The following DLGAP2 variants were observed in gnomAD, a reference collection of about 807,000 sequenced individuals.
The protein encoded by DLGAP2 is disks large-associated protein 2.
A neutral mutation model predicts 100.3 loss-of-function variants in DLGAP2; 26 were observed. The observed-to-expected ratio is 0.26, with a 90% CI of 0.19 to 0.36. The LOEUF is 0.36. DLGAP2 is among the 10% of genes least tolerant of loss of function. The pLI is 1.00. For synonymous variants in DLGAP2, 886 were observed against 630.1 expected, an observed-to-expected ratio of 1.41 and a Z score of -6.08; for missense variants, 1,858 against 1,453.2, an observed-to-expected ratio of 1.28 and a Z score of -4.53.
intron 4 of DLGAP2, among the ~76,000 whole-genome samples, chr8:1,534,315 G>A (rs902053471): frequency 2.6e-5 from 4 of 152,194 alleles, no homozygotes; most frequent in African/African-American, 9.7e-5. Flanking sequence ...TTGGCTTCAG[G>A]AATAATGAGA....
intron 2 of DLGAP2, among the ~76,000 whole-genome samples, chr8:1,096,459 G>A (rs749881652): frequency 3.9e-5 from 6 of 152,208 alleles, no homozygotes; most frequent in South Asian, 2.1e-4. Context: ...ACCCCCCAGC[G>A]TGAGAACTAC....
At chr8:909,416 C>G (rs1278730990) in intron 2 of DLGAP2, among the ~76,000 whole-genome samples, 1 of 151,498 alleles carries the variant, frequency 6.6e-6, no homozygotes, top group Non-Finnish European at 1.5e-5. Flanking sequence ...AACTACTGTA[C>G]TGCGGACATC....
chr8:753,728 T>A (rs1437770424), intron 1 of DLGAP2: 1 of 152,358 alleles, frequency 6.6e-6, no homozygotes, highest in African/African-American at 2.4e-5. Context: ...TGGAGCCTTA[T>A]CCACTCCACA....
At chr8:1,449,933 G>GT (rs1798099828) in intron 3 of DLGAP2, among the ~76,000 whole-genome samples, 1 of 96,018 alleles carries the variant, frequency 1.0e-5, no homozygotes, top group Non-Finnish European at 2.2e-5. Flanking sequence ...CTCGGTGGCT[G>GT]AGGCGGAGCT....
chr8:989,528 C>T (rs1482256165), intron 2 of DLGAP2, among the ~76,000 whole-genome samples: 1 of 152,154 alleles, frequency 6.6e-6, no homozygotes, highest in Non-Finnish European at 1.5e-5. Context: ...GGCTTTGGTA[C>T]CAACTTTCTC....
chr8:1,617,991 A>G (rs529352503), intron 6 of DLGAP2, among the ~76,000 whole-genome samples: 3 of 152,336 alleles, frequency 2.0e-5, no homozygotes, highest in Admixed American at 2.0e-4. Context: ...CCCTGGGGAA[A>G]AAATGTCAAC....
intron 4 of DLGAP2, among the ~76,000 whole-genome samples, chr8:1,538,617 C>G (rs968690348): frequency 2.0e-5 from 3 of 152,160 alleles, no homozygotes; most frequent in Non-Finnish European, 4.4e-5. Flanking sequence ...CCTCCTCCCC[C>G]GCTCCCATGC....
intron 2 of DLGAP2, among the ~76,000 whole-genome samples, chr8:1,069,210 G>A (rs1363240479): frequency 2.0e-5 from 3 of 152,200 alleles, no homozygotes; most frequent in African/African-American, 7.2e-5. Flanking sequence ...AGGCAGTCTT[G>A]TTTAAACTGA....
At chr8:1,110,938 T>G (rs537722196) in intron 2 of DLGAP2, among the ~76,000 whole-genome samples, 1 of 152,028 alleles carries the variant, frequency 6.6e-6, no homozygotes, top group Non-Finnish European at 1.5e-5. Flanking sequence ...TCAGGGAGTG[T>G]GAGGGTTGGT....
At chr8:1,413,507 G>A (rs1418640460) in intron 3 of DLGAP2, among the ~76,000 whole-genome samples, 2 of 152,168 alleles carry the variant, frequency 1.3e-5, no homozygotes. Context: ...AGATTACTTT[G>A]CACTAAATCT....
At chr8:1,260,239 C>T (rs1171829572) in intron 3 of DLGAP2, among the ~76,000 whole-genome samples, 2 of 152,076 alleles carry the variant, frequency 1.3e-5, no homozygotes, top group African/African-American at 4.8e-5. Context: ...ATTATAACTT[C>T]CATTGCCATT....
chr8:1,419,207 T>TGG (rs1252479618), intron 3 of DLGAP2, among the ~76,000 whole-genome samples: 1 of 18,528 alleles, frequency 5.4e-5, no homozygotes, highest in African/African-American at 8.3e-5. Flanking sequence ...GATGCGTGCG[T>TGG]GTGTGTGTGT....
At chr8:777,366 G>T (rs1359757169) in intron 1 of DLGAP2, among the ~76,000 whole-genome samples, 7 of 151,588 alleles carry the variant, frequency 4.6e-5, no homozygotes, top group Admixed American at 2.6e-4. Flanking sequence ...AGTTAATATT[G>T]TTATGTGTGA....
intron 3 of DLGAP2, among the ~76,000 whole-genome samples, chr8:1,266,542 C>A (rs1799454668): frequency 6.6e-6 from 1 of 152,206 alleles, no homozygotes; most frequent in African/African-American, 2.4e-5. Flanking sequence ...CCTGTCAGTT[C>A]CTCCTCTGTT....
chr8:1,632,451 G>C (rs1046352372), intron 7 of DLGAP2, among the ~76,000 whole-genome samples: 2 of 152,156 alleles, frequency 1.3e-5, no homozygotes, highest in Non-Finnish European at 1.5e-5. Flanking sequence ...GAAAGGGGGG[G>C]CCGTCATGTG....
At chr8:909,177 A>G (rs2128999058) in intron 2 of DLGAP2, among the ~76,000 whole-genome samples, 1 of 152,336 alleles carries the variant, frequency 6.6e-6, no homozygotes, top group East Asian at 1.9e-4. Context: ...ATCTGCTTAC[A>G]GGGAAGCTTG....
At chr8:1,023,574 G>A (rs1208922306) in intron 2 of DLGAP2, among the ~76,000 whole-genome samples, 1 of 151,620 alleles carries the variant, frequency 6.6e-6, no homozygotes, top group Non-Finnish European at 1.5e-5. Context: ...CTCAGTGTGC[G>A]TGTGTTTCAG....
chr8:870,955 C>T (rs1020494197), intron 1 of DLGAP2, among the ~76,000 whole-genome samples: 2 of 152,342 alleles, frequency 1.3e-5, no homozygotes, highest in South Asian at 4.1e-4. Flanking sequence ...AAATGCGTAA[C>T]TGTGGTAGAC....
chr8:897,733 G>T (rs1042188253), intron 1 of DLGAP2, among the ~76,000 whole-genome samples: 2 of 151,840 alleles, frequency 1.3e-5, no homozygotes, highest in Non-Finnish European at 2.9e-5. Context: ...CCTGAGTTTC[G>T]GGTGAGCCAG....
Sources: gnomAD v4.1 joint callset for allele counts (sites outside exome capture counted in the v4.1 genomes callset) on GRCh38, gnomAD v4.1.1 for gene constraint, MANE v1.5 for transcripts, NCBI Gene and HGNC (gene_info 2026-07-23, HGNC 2026-07-21) for gene names.